Variants in ZNF771 observed in about 807,000 individuals in gnomAD.
The protein encoded by ZNF771 is zinc finger protein 771.
A neutral mutation model predicts 27.6 loss-of-function variants in ZNF771; 10 were observed. The observed-to-expected ratio is 0.36, with a 90% confidence interval of 0.22 to 0.61. The LOEUF is 0.61. Among genes scored for constraint, ZNF771 ranks in the 20% least tolerant of loss-of-function variants. ZNF771 has a pLI of 0.70. For synonymous variants in ZNF771, 261 were observed against 225.2 expected (o/e 1.16, Z -1.43); for missense variants, 438 against 503.7 (o/e 0.87, Z 1.25).
At position 30,418,136 on chromosome 16, in the gene ZNF771, C is replaced by T; in HGVS notation, c.723C>T (p.Gly241=). The T allele has an allele frequency of 6.8e-7, 1 of 1,474,836 alleles. No homozygotes were observed. Among genetic ancestry groups the T allele is most frequent in the Non-Finnish European group, 8.9e-7 (1 of 1,119,788 alleles). The allele number at this position is 1,474,836 out of a possible 1,614,324, so 91.4% of individuals were successfully genotyped here. A position where few individuals can be genotyped will look rare whatever the true frequency, so the allele number is the denominator to read the frequency against. The part of the protein sequence containing the change: ...HRCAVCGRRF[G]HRSNLAEHAR... ...GCGCTGTGTGTGGCCGTCGCTTCGG[C>T]CACCGCTCCAACCTGGCGGAGCACG... is the stretch of plus-strand genomic sequence containing the variant. Residue 241 remains glycine (G), a synonymous_variant, in exon 3 of 3, where the codon GGC becomes GGT. Transcript: ENST00000319296.
intron 2 of ZNF771, among the ~76,000 whole-genome samples, chr16:30,413,175 T>C (rs1188668805): frequency 6.7e-6 from 1 of 149,062 alleles, no homozygotes; most frequent in Non-Finnish European, 1.5e-5. Context: ...AATACCTGGA[T>C]TATTATATTA....
Position 30,418,009 on chromosome 16 carries a change from G to T in ZNF771, c.596G>T (p.Gly199Val). ...GCGCGCCACCGACGCACGCACACGGGCGAGCGGCCCTACGCTTGCGCCGAC... is the reference window on the plus strand; with the variant it reads ...GCGCGCCACCGACGCACGCACACGGTCGAGCGGCCCTACGCTTGCGCCGAC... ...CLARHRRTHT[G>V]ERPYACADCG... Residue 199 changes from glycine to valine, a missense_variant, in exon 3 of 3, where the codon GGC becomes GTC. By Grantham distance (109) the Gly-to-Val change is moderately radical. Coordinates refer to ENST00000319296, the MANE Select transcript of ZNF771 (RefSeq NM_001142305.2). 1.4e-6 allele frequency: 2 copies of T among 1,469,406 alleles called. No individual in the cohort carries two copies. Among genetic ancestry groups the T allele is most frequent in the Non-Finnish European group, 1.8e-6 (2 of 1,120,008 alleles). 91.0% of individuals were successfully genotyped at this position (1,469,406 alleles called of 1,614,324 possible).
chr16:30,415,527 C>T (rs776500265), intron 2 of ZNF771, among the ~76,000 whole-genome samples: 3 of 151,594 alleles, frequency 2.0e-5, no homozygotes, highest in Non-Finnish European at 2.9e-5. Context: ...GGATTACAGG[C>T]GTCCGCCACC....
At chr16:30,410,856 C>CAAAAA (rs71149015) in intron 2 of ZNF771, among the ~76,000 whole-genome samples, 5 of 27,378 alleles carry the variant, frequency 1.8e-4, no homozygotes, top group Admixed American at 4.7e-4. Context: ...CTCATCTCTA[C>CAAAAA]AAAAAAAAAA....
chr16:30,415,540 G>A (rs1406853725), intron 2 of ZNF771, among the ~76,000 whole-genome samples: 1 of 151,714 alleles, frequency 6.6e-6, no homozygotes, highest in East Asian at 1.9e-4. Flanking sequence ...CCGCCACCAC[G>A]CCCAGCTAAT....
chr16:30,407,893 G>A, intron 1 of ZNF771, 152 bp from the exon 2 acceptor site: 4 of 583,198 alleles, frequency 6.9e-6, no homozygotes, highest in South Asian at 2.0e-5. Context: ...GTGGGGCCGG[G>A]CTGGGGTGGA....
In ZNF771 at chr16:30,407,987, C is replaced by CA. The variant is rs1464248833; in HGVS notation, c.-9-58_-9-57insA. 2.1e-5 allele frequency: 15 copies of CA among 719,848 alleles called. No individual in the cohort carries two copies. In the South Asian group the frequency reaches 2.3e-4, roughly 11 times the overall value. The allele number at this position is 719,848 out of a possible 1,614,324, so 44.6% of individuals were successfully genotyped here. Reference sequence around the variant, plus strand: ...CTTGCTGGGCCAGGGCCACGGTGGGCGGGGGGGGGGGTGGGGGGGGGCGGG... The same window carrying CA: ...CTTGCTGGGCCAGGGCCACGGTGGGCAGGGGGGGGGGGTGGGGGGGGGCGGG... On this transcript the variant is annotated intron_variant, in intron 1 of 2. Transcript: ENST00000319296.
At position 30,417,805 on chromosome 16, in the gene ZNF771, C is replaced by A; in HGVS notation, c.392C>A (p.Ala131Asp). 1 of 1,490,704 alleles carries A rather than the reference C, an allele frequency of 6.7e-7. No individual in the cohort carries two copies. The highest frequency in any genetic ancestry group is 1.3e-5 in the South Asian group (1 of 79,694). The allele number at this position is 1,490,704 out of a possible 1,614,324, so 92.3% of individuals were successfully genotyped here. Residue 131 changes from alanine (A) to aspartate (D), a missense_variant, in exon 3 of 3, where the codon GCC becomes GAC. Ala to Asp is a moderately radical substitution (Grantham distance 126). Transcript: ENST00000319296. Reference sequence around the variant, plus strand: ...GAGTGCGACAAACGCTTCTCGGCCGCCTCGAACCTGCGGCAGCACCGGCGG... The same window carrying A: ...GAGTGCGACAAACGCTTCTCGGCCGACTCGAACCTGCGGCAGCACCGGCGG... Reference protein sequence around the residue: ...CPECDKRFSAASNLRQHRRRH... With the variant: ...CPECDKRFSADSNLRQHRRRH...
intron 2 of ZNF771, among the ~76,000 whole-genome samples, chr16:30,416,219 C>G: frequency 6.6e-6 from 1 of 152,192 alleles, no homozygotes; most frequent in East Asian, 1.9e-4. Flanking sequence ...GCCCTAGGTT[C>G]TGTCTGCCCA....
chr16:30,418,598 C>G lies in ZNF771; in HGVS notation c.*231C>G. The stretch of plus-strand genomic sequence containing the variant: ...GTGAATAAAGTATTATATCCTCACC[C>G]CACCCGTGCCTGTGAGTGAGGTGGG... On this transcript the variant is annotated 3_prime_UTR_variant, in exon 3 of 3. Coordinates refer to ENST00000319296, the MANE Select transcript of ZNF771 (RefSeq NM_001142305.2). The G allele has an allele frequency of 2.4e-6, 1 of 422,606 alleles. No homozygotes were observed. The allele number at this position is 422,606 out of a possible 1,614,324, so 26.2% of individuals were successfully genotyped here. A position where few individuals can be genotyped will look rare whatever the true frequency, so the allele number is the denominator to read the frequency against.
At position 30,408,146 on chromosome 16, in the gene ZNF771, G is replaced by A. The variant is rs371262043; in HGVS notation, c.93G>A (p.Glu31=). The change falls in exon 2 of 3, where the codon GAG becomes GAA. Residue 31 remains glutamate (E), a synonymous_variant. Coordinates refer to ENST00000319296, the MANE Select transcript of ZNF771 (RefSeq NM_001142305.2). The stretch of plus-strand genomic sequence containing the variant: ...TGAAGGGTGAGGAGGATGAGGGTGA[G>A]GAGAAGTATGAGGTGGTGAAACTCA... ...LLVKGEEDEG[E]EKYEVVKLKI... is the part of the protein sequence containing the mutation. 65 of 1,613,222 alleles carry A rather than the reference G, an allele frequency of 4.0e-5. No individual in the cohort carries two copies. In the African/African-American group the frequency reaches 7.1e-4, roughly 18 times the overall value.
At chr16:30,412,635 T>C (rs1406917795) in intron 2 of ZNF771, among the ~76,000 whole-genome samples, 2 of 151,990 alleles carry the variant, frequency 1.3e-5, no homozygotes, top group African/African-American at 4.8e-5. Context: ...TCTACTGAAA[T>C]ACAAAAATTA....
intron 2 of ZNF771, among the ~76,000 whole-genome samples, chr16:30,410,394 C>T (rs950816356): frequency 4.6e-5 from 7 of 152,130 alleles, no homozygotes; most frequent in African/African-American, 1.7e-4. Flanking sequence ...AGCCACCACG[C>T]CTGGCTCAAC....
At chr16:30,411,535 T>A (rs2050103489) in intron 2 of ZNF771, among the ~76,000 whole-genome samples, 1 of 152,132 alleles carries the variant, frequency 6.6e-6, no homozygotes, top group African/African-American at 2.4e-5. Flanking sequence ...GGCCAGATTG[T>A]GAATGGTATC....
chr16:30,407,950 C>G, intron 1 of ZNF771, 95 bp from the exon 2 acceptor site: 1 of 876,556 alleles, frequency 1.1e-6, no homozygotes, highest in Non-Finnish European at 1.7e-6. Flanking sequence ...GGAGAAGCCA[C>G]GGCTGCACTG....
At chr16:30,413,828 C>T (rs1408256026) in intron 2 of ZNF771, 8 of 180,284 alleles carry the variant, frequency 4.4e-5, no homozygotes, top group South Asian at 3.8e-4. Flanking sequence ...CTTGGCCTCC[C>T]GAAGTGCTAA....
chr16:30,413,598 C>T (rs753742564), intron 2 of ZNF771: 4 of 435,356 alleles, frequency 9.2e-6, no homozygotes, highest in East Asian at 7.2e-5. Context: ...GACACGATCT[C>T]GCTTTGTCAC....
chr16:30,409,832 G>C (rs886274879), intron 2 of ZNF771, among the ~76,000 whole-genome samples: 18 of 152,160 alleles, frequency 1.2e-4, no homozygotes, highest in Admixed American at 6.5e-4. Flanking sequence ...ACAGGCTCCA[G>C]AGCTTAGGGT....
At chr16:30,417,175 AG>A (rs971339734) in intron 2 of ZNF771, among the ~76,000 whole-genome samples, 17 of 152,174 alleles carry the variant, frequency 1.1e-4, no homozygotes, top group Admixed American at 1.0e-3. Context: ...ATATCGGTAA[AG>A]TGTCTTGACA....
Sources: allele counts gnomAD v4.1 joint callset (sites outside exome capture counted in the v4.1 genomes callset), GRCh38; gene constraint gnomAD v4.1.1; transcripts MANE v1.5; gene names NCBI Gene and HGNC (gene_info 2026-07-23, HGNC 2026-07-21).